The following TET1 variants were observed in gnomAD, a reference collection of about 807,000 sequenced individuals.
TET1 encodes tet methylcytosine dioxygenase 1, also known as methylcytosine dioxygenase TET1.
In TET1, 13 loss-of-function variants were observed where a neutral mutation model predicts 148.7. That is an observed-to-expected ratio of 0.09 (90% CI 0.06 to 0.14). TET1 has a LOEUF of 0.14. Ranked by LOEUF, TET1 falls within the 10% of genes least tolerant of loss-of-function variation. The probability of loss-of-function intolerance (pLI) is 1.00; values close to 1 mark genes in which losing one functional copy is unlikely to be tolerated. For missense variants in TET1, 2,182 were observed against 2,553.8 expected (o/e 0.85, Z 3.14); for synonymous variants, 907 against 937.2 (o/e 0.97, Z 0.59).
rs1390740684 is a variant in TET1, at chr10:68,602,349, AG to A, written c.1968+1316del. On this transcript the variant is annotated intron_variant, in intron 3 of 11. Transcript: ENST00000373644. The stretch of plus-strand genomic sequence containing the variant: ...ACAGAGATAGAAGTTTATCATTAAA[AG>A]CTCCTTCTATACTTTCTGTGTTGGC... 5.3e-5 allele frequency among the ~76,000 whole-genome samples: 8 copies of A among 152,270 alleles called. No individual in the cohort carries two copies. The East Asian group carries it at 1.5e-3, about 29-fold the overall frequency.
intron 1 of TET1, among the ~76,000 whole-genome samples, chr10:68,568,623 C>T (rs1388540658): frequency 6.6e-6 from 1 of 152,170 alleles, no homozygotes; most frequent in East Asian, 1.9e-4. Flanking sequence ...TATTTTGGGT[C>T]TGGGTAGGCA....
chr10:68,664,755 C>T (rs1417550183), intron 6 of TET1, among the ~76,000 whole-genome samples: 5 of 145,366 alleles, frequency 3.4e-5, no homozygotes, highest in African/African-American at 1.3e-4. Context: ...TCAAGTGATC[C>T]TCCTGCTTGC....
chr10:68,667,998 C>T (rs1021351617), intron 7 of TET1, among the ~76,000 whole-genome samples: 1 of 152,152 alleles, frequency 6.6e-6, no homozygotes, highest in African/African-American at 2.4e-5. Context: ...AGAGAAATGA[C>T]ATCAGTGTAA....
At position 68,646,835 on chromosome 10, in the gene TET1, C is replaced by T. The variant is rs1410353581; in HGVS notation, c.4106C>T (p.Thr1369Ile). The T allele has an allele frequency of 1.9e-6, 3 of 1,614,122 alleles. No individual in the cohort carries two copies. The highest frequency in any genetic ancestry group is 2.5e-6 in the Non-Finnish European group (3 of 1,180,032). The change falls in exon 4 of 12, where the codon ACC becomes ATC. Residue 1369 changes from threonine (T) to isoleucine (I), a missense_variant. Thr to Ile is a moderately conservative substitution (Grantham distance 89). Coordinates refer to ENST00000373644, the MANE Select transcript of TET1 (RefSeq NM_030625.3). ...VCSGGITVVS[T>I]KSEEEVCSSS... ...TCAGGTGGAATTACAGTGGTTTCTA[C>T]CAAAAGTGAAGAGGAAGTCTGTTCA...
At chr10:68,680,962 C>G (rs1229405898) in intron 8 of TET1, among the ~76,000 whole-genome samples, 1 of 152,210 alleles carries the variant, frequency 6.6e-6, no homozygotes, top group East Asian at 1.9e-4. Context: ...CAGGATCTCA[C>G]ACAGAGTAGG....
intron 6 of TET1, among the ~76,000 whole-genome samples, chr10:68,662,068 T>A (rs2055128142): frequency 6.6e-6 from 1 of 151,946 alleles, no homozygotes. Flanking sequence ...AGAGACAGGG[T>A]TTCACCATGT....
At chr10:68,672,344 T>C (rs1309266362) in intron 7 of TET1, among the ~76,000 whole-genome samples, 1 of 151,350 alleles carries the variant, frequency 6.6e-6, no homozygotes, top group Non-Finnish European at 1.5e-5. Flanking sequence ...AAAAATTAGC[T>C]GGGCGTGGTG....
At chr10:68,613,986 T>C (rs923150046) in intron 3 of TET1, among the ~76,000 whole-genome samples, 1 of 152,150 alleles carries the variant, frequency 6.6e-6, no homozygotes, top group Non-Finnish European at 1.5e-5. Context: ...GTGAACCTTA[T>C]TTGAAGGTTA....
At chr10:68,660,855 G>T (rs1214660133) in intron 6 of TET1, among the ~76,000 whole-genome samples, 2 of 151,266 alleles carry the variant, frequency 1.3e-5, no homozygotes. Context: ...GTAGACATGG[G>T]GTTTCACCAT....
chr10:68,651,021 ATTG>A (rs1166365098), intron 4 of TET1, among the ~76,000 whole-genome samples: 1 of 152,162 alleles, frequency 6.6e-6, no homozygotes, highest in Admixed American at 6.6e-5. Context: ...TATAAATATT[ATTG>A]TTTCAATAGA....
At chr10:68,647,031 T>C (rs1479913791) in intron 4 of TET1, 26 bp downstream of exon 4, 2 of 1,568,918 alleles carry the variant, frequency 1.3e-6, no homozygotes, top group South Asian at 2.4e-5. Context: ...CATGTGTTCT[T>C]ATTTCACCTG....
chr10:68,686,448 C>T lies in TET1; in HGVS notation c.5145C>T (p.Asp1715=), dbSNP rs757623052. The T allele has an allele frequency of 6.2e-7, 1 of 1,614,120 alleles. No homozygotes were observed. The highest frequency in any genetic ancestry group is 1.1e-5 in the South Asian group (1 of 91,082). ...LHVLPLYKLS[D]TDEFGSKEGM... is the part of the protein sequence containing the mutation. ...TGCTACCTCTTTATAAGCTTTCAGA[C>T]ACAGATGAGTTTGGCTCCAAGGAAG... is the stretch of plus-strand genomic sequence containing the variant. The change falls in exon 11 of 12, where the codon GAC becomes GAT. Residue 1715 remains aspartate, a synonymous_variant. Coordinates refer to ENST00000373644, the MANE Select transcript of TET1 (RefSeq NM_030625.3).
chr10:68,656,160 C>CT (rs1358730908), intron 6 of TET1, among the ~76,000 whole-genome samples: 4 of 152,142 alleles, frequency 2.6e-5, no homozygotes, highest in African/African-American at 7.2e-5. Context: ...TGTATAATTA[C>CT]TTTATTATAT....
chr10:68,574,390 T>C (rs2053705336), intron 2 of TET1, 138 bp downstream of exon 2: 1 of 729,270 alleles, frequency 1.4e-6, no homozygotes, highest in Non-Finnish European at 2.2e-6. Flanking sequence ...TTTGGTACAA[T>C]GTTACTTTAA....
intron 2 of TET1, among the ~76,000 whole-genome samples, chr10:68,595,592 C>G (rs557011617): frequency 9.2e-4 from 129 of 140,688 alleles, no homozygotes; most frequent in African/African-American, 3.1e-3. Flanking sequence ...GAAGCCACAA[C>G]ACACACACAC....
chr10:68,618,959 C>A (rs2054332484), intron 3 of TET1, among the ~76,000 whole-genome samples: 1 of 151,954 alleles, frequency 6.6e-6, no homozygotes, highest in African/African-American at 2.4e-5. Flanking sequence ...AGAATTAGAC[C>A]CTGTCTCTTA....
chr10:68,608,861 A>AT (rs906217020), intron 3 of TET1, among the ~76,000 whole-genome samples: 4 of 151,838 alleles, frequency 2.6e-5, no homozygotes, highest in Admixed American at 2.0e-4. Flanking sequence ...TTAAAAAAAA[A>AT]TTTTTTTTAA....
At chr10:68,561,671 C>G (rs2053554937) in intron 1 of TET1, among the ~76,000 whole-genome samples, 1 of 151,668 alleles carries the variant, frequency 6.6e-6, no homozygotes, top group Non-Finnish European at 1.5e-5. Flanking sequence ...AAAAAATGCT[C>G]TCCTCTCTCT....
rs1389084682 is a variant in TET1 at position 68,646,253 on chromosome 10, A to G, written c.3524A>G (p.Lys1175Arg). Residue 1175 changes from lysine to arginine, a missense_variant, in exon 4 of 12, where the codon AAG becomes AGG. Lys to Arg is a conservative substitution (Grantham distance 26). This residue lies in a region of TET1 where 582 missense variants were observed against 599.5 expected (regional missense o/e 0.97). Coordinates refer to ENST00000373644, the MANE Select transcript of TET1 (RefSeq NM_030625.3). ...AGTTATCAAGAAAATGATCGGCAGA[A>G]GTGGGAAAAGTTGTCCTATATGTAT... ...VVSYQENDRQ[K>R]WEKLSYMYGT... 1.2e-6 allele frequency: 2 copies of G among 1,614,224 alleles called. No homozygotes were observed. The highest frequency in any genetic ancestry group is 2.2e-5 in the South Asian group (2 of 91,084).
Sources: allele counts gnomAD v4.1 joint callset (sites outside exome capture counted in the v4.1 genomes callset), GRCh38; gene constraint gnomAD v4.1.1; regional missense constraint gnomAD v4.1.1; transcripts MANE v1.5; gene names NCBI Gene and HGNC (gene_info 2026-07-23, HGNC 2026-07-21).